SHMT1: variants seen among roughly 807,000 people sequenced by gnomAD.
SHMT1 encodes serine hydroxymethyltransferase 1.
Under a neutral mutation model 49.0 loss-of-function variants are expected in SHMT1, and 45 were observed. The ratio of observed to expected loss-of-function variants is 0.92; its 90% confidence interval spans 0.72 to 1.18. SHMT1 has a LOEUF of 1.18. Ranked by LOEUF, SHMT1 falls within the 50% of genes most tolerant of loss-of-function variation. The pLI is 0.00. For synonymous variants in SHMT1, 232 were observed against 246.6 expected (o/e 0.94, Z 0.55); for missense variants, 541 against 612.4 (o/e 0.88, Z 1.23).
intron 7 of SHMT1, 104 bp downstream of exon 7, chr17:18,339,939 G>T: frequency 8.9e-7 from 1 of 1,119,180 alleles, no homozygotes; most frequent in Non-Finnish European, 1.3e-6. Flanking sequence ...ATTTTCCAAG[G>T]ATCCCAGGTC....
chr17:18,354,550 C>A (rs1410089575), intron 2 of SHMT1, among the ~76,000 whole-genome samples: 1 of 152,116 alleles, frequency 6.6e-6, no homozygotes, highest in East Asian at 1.9e-4. Context: ...GAGCCGAGAT[C>A]GCGCCATCGC....
chr17:18,347,052 A>C (rs1264393424), intron 5 of SHMT1, among the ~76,000 whole-genome samples: 3 of 152,168 alleles, frequency 2.0e-5, no homozygotes, highest in Non-Finnish European at 4.4e-5. Context: ...TTGGTGCTGG[A>C]GCTGGGGACG....
intron 1 of SHMT1, among the ~76,000 whole-genome samples, chr17:18,361,114 T>C (rs1986714556): frequency 6.6e-6 from 1 of 151,752 alleles, no homozygotes; most frequent in Non-Finnish European, 1.5e-5. Flanking sequence ...GAGACCAGCC[T>C]GACCAACACG....
Position 18,340,388 on chromosome 17 carries a change from G to T in SHMT1, c.602-133C>A. On this transcript the variant is annotated intron_variant, in intron 6 of 11. Coordinates refer to ENST00000316694, the MANE Select transcript of SHMT1 (RefSeq NM_004169.5). The surrounding 1 kb of genome is among the most constrained non-coding windows in gnomAD (Gnocchi z 4.5). ...CCCTTAAAGTCTCAGAGCAAAAATG[G>T]AGAATGCCCTCAAAAAGCACCTCTG... 1 of 970,152 alleles carries T rather than the reference G, an allele frequency of 1.0e-6. No individual in the cohort carries two copies. Among genetic ancestry groups the T allele is most frequent in the Non-Finnish European group, 1.6e-6 (1 of 629,214 alleles). The allele number at this position is 970,152 out of a possible 1,614,324, so 60.1% of individuals were successfully genotyped here.
chr17:18,335,028 A>T lies in SHMT1; in HGVS notation c.931+531T>A, dbSNP rs976539136. On this transcript the variant is annotated intron_variant, in intron 8 of 11. Transcript: ENST00000316694. ...ACCAATGTCCTTGTTCCATGAAGGC[A>T]GCGGGATAACTCTTGAGTCATCACA... 2.0e-5 allele frequency among the ~76,000 whole-genome samples: 3 copies of T among 152,252 alleles called. No individual in the cohort carries two copies. The South Asian group carries it at 6.2e-4, about 31-fold the overall frequency.
intron 5 of SHMT1, among the ~76,000 whole-genome samples, chr17:18,341,985 G>A (rs182922088): frequency 5.4e-4 from 82 of 152,188 alleles, no homozygotes; most frequent in African/African-American, 1.6e-3. Flanking sequence ...GGACAAAAAT[G>A]TTATCTGGAT....
At chr17:18,353,857 T>TA in intron 2 of SHMT1, 40 bp from the exon 3 acceptor site, 2 of 1,606,146 alleles carry the variant, frequency 1.2e-6, no homozygotes, top group South Asian at 2.2e-5. Flanking sequence ...TTGGAAATTT[T>TA]AGTTTAAAAT....
Sources: allele counts gnomAD v4.1 joint callset (sites outside exome capture counted in the v4.1 genomes callset), GRCh38; gene constraint gnomAD v4.1.1; non-coding constraint Gnocchi (gnomAD v3.1); transcripts MANE v1.5; gene names NCBI Gene and HGNC (gene_info 2026-07-23, HGNC 2026-07-21).